Variants in SLC17A8 observed in about 807,000 individuals in gnomAD.
SLC17A8 encodes the protein vesicular glutamate transporter 3.
Under a neutral mutation model 58.0 loss-of-function variants are expected in SLC17A8, and 31 were observed. The ratio of observed to expected loss-of-function variants is 0.53; its 90% CI spans 0.40 to 0.72. The LOEUF is 0.72. Ranked by LOEUF, SLC17A8 falls within the 30% of genes least tolerant of loss-of-function variation. The pLI, the probability that SLC17A8 is intolerant of heterozygous loss-of-function variation, is 0.00. For missense variants in SLC17A8, 655 were observed against 727.8 expected, an observed-to-expected ratio of 0.90 and a Z score of 1.15; for synonymous variants, 228 against 249.0, an observed-to-expected ratio of 0.92 and a Z score of 0.79.
At chr12:100,365,561 A>G (rs1409467546) in intron 1 of SLC17A8, among the ~76,000 whole-genome samples, 4 of 152,206 alleles carry the variant, frequency 2.6e-5, no homozygotes, top group African/African-American at 7.2e-5. Flanking sequence ...TGTTGAATAC[A>G]CTGCCTCAAA....
chr12:100,403,271 C>A (rs1952804442), intron 8 of SLC17A8, among the ~76,000 whole-genome samples: 1 of 148,592 alleles, frequency 6.7e-6, no homozygotes. Flanking sequence ...GAGGTTAGGA[C>A]CAGCCTGACC....
intron 2 of SLC17A8, among the ~76,000 whole-genome samples, chr12:100,387,678 T>C (rs1337894568): frequency 6.6e-6 from 1 of 152,210 alleles, no homozygotes; most frequent in South Asian, 2.1e-4. Context: ...AAAGAAGTCT[T>C]GTCTCTCCTT....
intron 2 of SLC17A8, among the ~76,000 whole-genome samples, chr12:100,386,609 G>T (rs1311770331): frequency 6.6e-6 from 1 of 151,648 alleles, no homozygotes; most frequent in Non-Finnish European, 1.5e-5. Flanking sequence ...TGTCCTCCAG[G>T]TTCATGCCAG....
chr12:100,393,266 C>A, intron 3 of SLC17A8, 103 bp from the exon 4 acceptor site: 1 of 789,614 alleles, frequency 1.3e-6, no homozygotes, highest in African/African-American at 1.7e-5. Context: ...CAGGGATTTC[C>A]ACAGGGATCT....
In SLC17A8 at chr12:100,412,800, T is replaced by C. The variant is rs1262365260; in HGVS notation, c.1217T>C (p.Val406Ala). 3.7e-6 allele frequency: 6 copies of C among 1,614,014 alleles called. No individual in the cohort carries two copies. The highest frequency in any genetic ancestry group is 3.4e-6 in the Non-Finnish European group (4 of 1,179,998). The change falls in exon 10 of 12, where the codon GTG becomes GCG. Residue 406 changes from valine (V) to alanine (A), a missense_variant. Val to Ala is a moderately conservative substitution (Grantham distance 64). Coordinates refer to ENST00000323346, the MANE Select transcript of SLC17A8 (RefSeq NM_139319.3). ...GGCATGGAGGCAACCTTACTCCTGG[T>C]GGTTGGCTTTTCGCATACCAAAGGG... ...GFGMEATLLL[V>A]VGFSHTKGVA...
intron 9 of SLC17A8, among the ~76,000 whole-genome samples, chr12:100,405,485 A>G (rs1952820541): frequency 6.6e-6 from 1 of 152,096 alleles, no homozygotes; most frequent in African/African-American, 2.4e-5. Flanking sequence ...ATCCTTATAA[A>G]AGGAGGAAGG....
chr12:100,379,611 TGGG>T lies in SLC17A8; in HGVS notation c.102-1089_102-1087del, dbSNP rs1397400991. On this transcript the variant is annotated intron_variant, in intron 1 of 11. Coordinates refer to ENST00000323346, the MANE Select transcript of SLC17A8 (RefSeq NM_139319.3). ...TTTTTAAAAAGACTTGGACCTTAAG[TGGG>T]CCATGACAGTATCCTCAGAAAGATG... is the stretch of plus-strand genomic sequence containing the variant. 5.3e-5 allele frequency among the ~76,000 whole-genome samples: 8 copies of T among 152,296 alleles called. No individual in the cohort carries two copies. The East Asian group carries it at 1.5e-3, about 29-fold the overall frequency.
intron 1 of SLC17A8, among the ~76,000 whole-genome samples, chr12:100,365,882 T>G (rs143496373): frequency 7.9e-5 from 12 of 152,240 alleles, no homozygotes; most frequent in Non-Finnish European, 1.5e-4. Context: ...CTGACTATAT[T>G]ATGAGAGAGA....
chr12:100,410,868 C>T (rs1007139354), intron 9 of SLC17A8, among the ~76,000 whole-genome samples: 1 of 152,142 alleles, frequency 6.6e-6, no homozygotes, highest in Non-Finnish European at 1.5e-5. Flanking sequence ...TTCTGGCTAT[C>T]ATTTGTTGAG....
Position 100,420,185 on chromosome 12 carries a change from C to G in SLC17A8, c.*26C>G. The G allele has an allele frequency of 6.3e-7, 1 of 1,578,830 alleles. No homozygotes were observed. The highest frequency in any genetic ancestry group is 8.7e-7 in the Non-Finnish European group (1 of 1,155,836). Reference sequence around the variant, plus strand: ...TGTCTGAGAGGCACTTCTGTCTTCTCCTTACTTTAGAAACAGAAAGTATCC... The same window carrying G: ...TGTCTGAGAGGCACTTCTGTCTTCTGCTTACTTTAGAAACAGAAAGTATCC... On this transcript the variant is annotated 3_prime_UTR_variant, in exon 12 of 12. Transcript: ENST00000323346.
intron 2 of SLC17A8, 82 bp downstream of exon 2, chr12:100,381,035 G>A (rs941978415): frequency 4.5e-6 from 7 of 1,551,696 alleles, no homozygotes; most frequent in South Asian, 2.2e-5. Context: ...ACAGTGGCAC[G>A]ATCTTGGCTT....
chr12:100,420,217 A>G lies in SLC17A8; in HGVS notation c.*58A>G. 7.0e-7 allele frequency: 1 copy of G among 1,420,220 alleles called. No homozygotes were observed. The highest frequency in any genetic ancestry group is 9.7e-7 in the Non-Finnish European group (1 of 1,027,594). The allele number at this position is 1,420,220 out of a possible 1,614,324, so 88.0% of individuals were successfully genotyped here. A position where few individuals can be genotyped will look rare whatever the true frequency, so the allele number is the denominator to read the frequency against. On this transcript the variant is annotated 3_prime_UTR_variant, in exon 12 of 12. Coordinates refer to ENST00000323346, the MANE Select transcript of SLC17A8 (RefSeq NM_139319.3). ...TTAGAAACAGAAAGTATCCATACCT[A>G]TTGCCTTTCTTGTAGCCCAGCTTGC...
At chr12:100,414,277 C>T (rs1290597020) in intron 10 of SLC17A8, among the ~76,000 whole-genome samples, 2 of 152,094 alleles carry the variant, frequency 1.3e-5, no homozygotes, top group East Asian at 1.9e-4. Flanking sequence ...AAATATGGAA[C>T]CTCTGGTCTA....
chr12:100,363,081 G>A (rs753453063), intron 1 of SLC17A8, among the ~76,000 whole-genome samples: 22 of 152,280 alleles, frequency 1.4e-4, no homozygotes, highest in Non-Finnish European at 2.8e-4. Flanking sequence ...TATCACTGTA[G>A]TGACTTCTTA....
chr12:100,382,041 A>G (rs139165431), intron 2 of SLC17A8, among the ~76,000 whole-genome samples: 52 of 152,368 alleles, frequency 3.4e-4, no homozygotes, highest in Admixed American at 1.3e-3. Flanking sequence ...AGTGAAAATA[A>G]AGATGCATGT....
At chr12:100,400,289 T>C (rs1952782173) in intron 5 of SLC17A8, among the ~76,000 whole-genome samples, 1 of 152,188 alleles carries the variant, frequency 6.6e-6, no homozygotes, top group Admixed American at 6.5e-5. Context: ...CCTGGAGTGC[T>C]CACCTTATTG....
intron 1 of SLC17A8, 111 bp from the exon 2 acceptor site, chr12:100,380,590 G>A (rs1017391204): frequency 9.2e-7 from 1 of 1,085,226 alleles, no homozygotes. Context: ...TCTACTATGG[G>A]TCTTCCTTTT....
At chr12:100,379,656 T>C (rs1331199686) in intron 1 of SLC17A8, among the ~76,000 whole-genome samples, 8 of 152,212 alleles carry the variant, frequency 5.3e-5, no homozygotes, top group South Asian at 4.1e-4. Flanking sequence ...AGTAAGAGGA[T>C]ACAACTTCCT....
Position 100,374,072 on chromosome 12 carries a change from C to T in SLC17A8, c.102-6629C>T, listed in dbSNP as rs115990757. The stretch of plus-strand genomic sequence containing the variant: ...GATAATGTGTTAGTCTTTGTAGGGT[C>T]GGCTCATGTATCTCTGTGAGATAAA... On this transcript the variant is annotated intron_variant, in intron 1 of 11. Transcript: ENST00000323346. 4.8e-3 allele frequency among the ~76,000 whole-genome samples: 728 copies of T among 152,184 alleles called. 10 individuals carry two copies. Among genetic ancestry groups the T allele is most frequent in the African/African-American group, 0.016 (677 of 41,508 alleles).
Sources: gnomAD v4.1 joint callset for allele counts (sites outside exome capture counted in the v4.1 genomes callset) on GRCh38, gnomAD v4.1.1 for gene constraint, MANE v1.5 for transcripts, NCBI Gene and HGNC (gene_info 2026-07-23, HGNC 2026-07-21) for gene names.